Variants in HPSE2 observed in about 807,000 individuals in gnomAD.
HPSE2 encodes the protein inactive heparanase-2.
HPSE2 carries 38 observed loss-of-function variants against 60.5 expected under a neutral mutation model. That is an observed-to-expected ratio of 0.63 (90% CI 0.48 to 0.82). The LOEUF is 0.82. HPSE2 is among the 40% of genes least tolerant of loss of function. The pLI, the probability that HPSE2 is intolerant of heterozygous loss-of-function variation, is 0.00. For missense variants in HPSE2, 713 were observed against 740.4 expected, an observed-to-expected ratio of 0.96 and a Z score of 0.43; for synonymous variants, 295 against 293.2, an observed-to-expected ratio of 1.01 and a Z score of -0.06.
chr10:98,788,502 A>T (rs1318977604), intron 3 of HPSE2, among the ~76,000 whole-genome samples: 1 of 143,960 alleles, frequency 6.9e-6, no homozygotes, highest in Non-Finnish European at 1.5e-5. Context: ...TGCTTTGTTT[A>T]CGTAAGCAAG....
At chr10:99,067,594 T>C (rs1842656260) in intron 3 of HPSE2, among the ~76,000 whole-genome samples, 1 of 152,222 alleles carries the variant, frequency 6.6e-6, no homozygotes, top group African/African-American at 2.4e-5. Flanking sequence ...AGCTGTATGT[T>C]GGCTCCTTTT....
chr10:98,895,926 G>T (rs1344629461), intron 3 of HPSE2, among the ~76,000 whole-genome samples: 1 of 116,696 alleles, frequency 8.6e-6, no homozygotes, highest in East Asian at 3.0e-4. Flanking sequence ...CACACTCTGG[G>T]GACTGTTGTG....
intron 5 of HPSE2, among the ~76,000 whole-genome samples, chr10:98,706,850 C>T (rs1948561438): frequency 6.6e-6 from 1 of 152,144 alleles, no homozygotes; most frequent in Admixed American, 6.5e-5. Context: ...TTACCCTTAA[C>T]AACAAGGTAC....
At chr10:99,129,193 C>T (rs1845284441) in intron 3 of HPSE2, among the ~76,000 whole-genome samples, 1 of 152,018 alleles carries the variant, frequency 6.6e-6, no homozygotes, top group African/African-American at 2.4e-5. Flanking sequence ...TGGTGGGGGA[C>T]TTCAATATTT....
At chr10:99,253,439 CAGA>C in the HPSE2 span, among the ~76,000 whole-genome samples, 1 of 152,100 alleles carries the variant, frequency 6.6e-6, no homozygotes, top group African/African-American at 2.4e-5. Flanking sequence ...TAGTCATAAG[CAGA>C]AGAATGAAAC....
chr10:98,693,775 T>C, intron 6 of HPSE2, 125 bp downstream of exon 6: 1 of 839,642 alleles, frequency 1.2e-6, no homozygotes, highest in Non-Finnish European at 2.1e-6. Flanking sequence ...GGAGTTACTT[T>C]CAAATTTTTT....
At chr10:99,155,570 A>C (rs1477382053) in intron 2 of HPSE2, among the ~76,000 whole-genome samples, 52 of 139,832 alleles carry the variant, frequency 3.7e-4, no homozygotes, top group African/African-American at 1.1e-3. Flanking sequence ...ACAAAGACAC[A>C]ACATACCAGA....
At chr10:98,883,418 C>T (rs553716349) in intron 3 of HPSE2, among the ~76,000 whole-genome samples, 72 of 152,080 alleles carry the variant, frequency 4.7e-4, no homozygotes, top group Non-Finnish European at 9.1e-4. Context: ...CATAGACATT[C>T]ACTGTAAGTT....
chr10:99,106,618 AAAT>A (rs138669245), intron 3 of HPSE2, among the ~76,000 whole-genome samples: 22 of 151,454 alleles, frequency 1.5e-4, no homozygotes, highest in East Asian at 1.9e-4. Flanking sequence ...TTGTATCTAA[AAAT>A]AATAATAATA....
Position 98,809,914 on chromosome 10 carries a change from AT to A in HPSE2, c.611-65859del, listed in dbSNP as rs546658890. On this transcript the variant is annotated intron_variant, in intron 3 of 11. Transcript: ENST00000370552. ...TTACTTTCTGAAAAGGTTTTACTTAATTCTTTGATCTTTCCCATTACGGGCA... is the reference window on the plus strand; with the variant it reads ...TTACTTTCTGAAAAGGTTTTACTTAATCTTTGATCTTTCCCATTACGGGCA... Among the ~76,000 whole-genome samples, 488 of 152,262 alleles carry A rather than the reference AT, an allele frequency of 3.2e-3. 2 individuals are homozygous for A. Among genetic ancestry groups the A allele is most frequent in the South Asian group, 8.7e-3 (42 of 4,830 alleles).
At chr10:98,663,896 A>C (rs1947289811) in intron 6 of HPSE2, among the ~76,000 whole-genome samples, 1 of 152,138 alleles carries the variant, frequency 6.6e-6, no homozygotes, top group Non-Finnish European at 1.5e-5. Context: ...TTGTCAGACA[A>C]AGCTCGGCTC....
At chr10:99,214,519 GA>G (rs1296016268) in intron 2 of HPSE2, among the ~76,000 whole-genome samples, 1 of 152,152 alleles carries the variant, frequency 6.6e-6, no homozygotes, top group African/African-American at 2.4e-5. Context: ...AAAAGGAAAT[GA>G]AATACTAATA....
chr10:98,568,655 T>C (rs1243638288), intron 9 of HPSE2, among the ~76,000 whole-genome samples: 1 of 152,226 alleles, frequency 6.6e-6, no homozygotes, highest in Non-Finnish European at 1.5e-5. Flanking sequence ...AACTCCTTTC[T>C]CTGCCTTGAG....
chr10:98,791,451 T>C (rs1422618368), intron 3 of HPSE2, among the ~76,000 whole-genome samples: 1 of 152,176 alleles, frequency 6.6e-6, no homozygotes, highest in Non-Finnish European at 1.5e-5. Flanking sequence ...GACTATATGT[T>C]TAGCACATCT....
At chr10:99,049,092 G>C (rs141875479) in intron 3 of HPSE2, among the ~76,000 whole-genome samples, 6 of 152,136 alleles carry the variant, frequency 3.9e-5, no homozygotes, top group African/African-American at 1.4e-4. Flanking sequence ...AGGGAAGAAC[G>C]GAGAAGGGCT....
chr10:98,554,933 C>T (rs1943962595), intron 9 of HPSE2, among the ~76,000 whole-genome samples: 1 of 152,134 alleles, frequency 6.6e-6, no homozygotes, highest in African/African-American at 2.4e-5. Context: ...CACCCAAGGC[C>T]TAACATTACT....
At chr10:98,501,351 A>G (rs908152991) in intron 9 of HPSE2, among the ~76,000 whole-genome samples, 6 of 152,202 alleles carry the variant, frequency 3.9e-5, no homozygotes, top group African/African-American at 1.4e-4. Context: ...ATATTCTACC[A>G]TGATCAAGGG....
chr10:98,617,459 A>G (rs1001092990), intron 8 of HPSE2, among the ~76,000 whole-genome samples: 11 of 152,238 alleles, frequency 7.2e-5, no homozygotes, highest in Non-Finnish European at 1.2e-4. Flanking sequence ...TTACTAGTGT[A>G]TAGGAAGATA....
intron 6 of HPSE2, among the ~76,000 whole-genome samples, chr10:98,666,924 A>G (rs1947378391): frequency 6.6e-6 from 1 of 152,090 alleles, no homozygotes; most frequent in Non-Finnish European, 1.5e-5. Flanking sequence ...ATTAAGTCAG[A>G]GAAGAACTGA....
Sources: allele counts gnomAD v4.1 joint callset (sites outside exome capture counted in the v4.1 genomes callset), GRCh38; gene constraint gnomAD v4.1.1; transcripts MANE v1.5; gene names NCBI Gene and HGNC (gene_info 2026-07-23, HGNC 2026-07-21).